Variants in PPCDC observed in about 807,000 individuals in gnomAD.
PPCDC encodes the protein phosphopantothenoylcysteine decarboxylase.
A neutral mutation model predicts 20.7 loss-of-function variants in PPCDC; 20 were observed. That is an observed-to-expected ratio of 0.97 (90% CI 0.68 to 1.41). The LOEUF is 1.41. Among genes scored for constraint, PPCDC ranks in the 40% most tolerant of loss-of-function variants. PPCDC has a pLI of 0.00. For missense variants in PPCDC, 246 were observed against 263.8 expected (o/e 0.93, Z 0.47); for synonymous variants, 88 against 100.3 (o/e 0.88, Z 0.73).
intron 2 of PPCDC, among the ~76,000 whole-genome samples, chr15:75,031,283 A>G (rs1225636410): frequency 2.0e-5 from 3 of 152,148 alleles, no homozygotes; most frequent in Admixed American, 2.0e-4. Context: ...CGTAGTTGTC[A>G]TGTAATTGAG....
At chr15:75,024,226 G>T (rs951044876) in intron 1 of PPCDC, among the ~76,000 whole-genome samples, 54 of 152,182 alleles carry the variant, frequency 3.5e-4, no homozygotes, top group Non-Finnish European at 2.8e-4. Context: ...CTGGAGCAGG[G>T]GTTTCCACAT....
At position 75,043,522 on chromosome 15, in the gene PPCDC, G is replaced by T. The variant is rs145355117; in HGVS notation, c.217G>T (p.Ala73Ser). The change falls in exon 3 of 6, where the codon GCT (alanine) becomes TCT (serine). Residue 73 changes from alanine (A) to serine (S), a missense_variant. Physicochemically the swap from Ala to Ser is moderately conservative, Grantham distance 99. Around this residue, in one of 2 missense-constraint regions of PPCDC, gnomAD observed 225 missense variants for 222.6 expected, o/e 1.01. Transcript: ENST00000342932. ...CATTCCTGTCACCCTCTACAGCGAC[G>T]CTGATGAATGGGAGGTCAGTGCTGG... ...QDIPVTLYSD[A>S]DEWEIWKSRS... 4.3e-6 allele frequency: 7 copies of T among 1,609,844 alleles called. No homozygotes were observed. Among genetic ancestry groups the T allele is most frequent in the African/African-American group, 2.7e-5 (2 of 74,828 alleles).
At chr15:75,023,668 G>A (rs2065930114) in intron 1 of PPCDC, 42 bp downstream of exon 1, 1 of 152,378 alleles carries the variant, frequency 6.6e-6, no homozygotes, top group Non-Finnish European at 1.5e-5. Context: ...TTCTCGCGGC[G>A]GCGCGGGAGG....
rs777317908 is a variant in PPCDC at position 75,048,593 on chromosome 15, T to C, written c.401T>C (p.Leu134Pro). ...GCCTGGGACCGCAGCAAGCCCCTGC[T>C]CTTCTGCCCGGCCATGAACACCGCC... Reference protein sequence around the residue: ...MRAWDRSKPLLFCPAMNTAMW... With the variant: ...MRAWDRSKPLPFCPAMNTAMW... The change falls in exon 5 of 6, where the codon CTC (leucine) becomes CCC (proline). Residue 134 changes from leucine (L) to proline (P), a missense_variant. Leu to Pro is a moderately conservative substitution (Grantham distance 98). Transcript: ENST00000342932. 6.3e-5 allele frequency: 102 copies of C among 1,614,062 alleles called. No individual in the cohort carries two copies. Among genetic ancestry groups the C allele is most frequent in the Non-Finnish European group, 8.4e-5 (99 of 1,180,020 alleles).
intron 4 of PPCDC, among the ~76,000 whole-genome samples, chr15:75,048,163 T>G (rs747636325): frequency 2.0e-4 from 31 of 152,194 alleles, no homozygotes; most frequent in South Asian, 8.3e-4. Flanking sequence ...GGAGAGCTGA[T>G]GTCAAGTAGA....
chr15:75,036,824 T>C (rs563685406), intron 2 of PPCDC, among the ~76,000 whole-genome samples: 3 of 152,052 alleles, frequency 2.0e-5, no homozygotes, highest in South Asian at 2.1e-4. Context: ...TTTTTATTGA[T>C]GGATGATTGA....
At position 75,028,463 on chromosome 15, in the gene PPCDC, C is replaced by T. The variant is rs1477811022; in HGVS notation, c.135+10C>T. The T allele has an allele frequency of 6.2e-7, 1 of 1,614,166 alleles. No homozygotes were observed. The highest frequency in any genetic ancestry group is 1.1e-5 in the South Asian group (1 of 91,070). On this transcript the variant is annotated intron_variant, in intron 2 of 5. Coordinates refer to ENST00000342932, the MANE Select transcript of PPCDC (RefSeq NM_021823.5). ...TTTGGACATTCCTGGGGTGAGTATC[C>T]TCACCAGATAAGCATGGCAGCCTCC...
chr15:75,041,729 C>T (rs901729739), intron 2 of PPCDC, among the ~76,000 whole-genome samples: 4 of 152,208 alleles, frequency 2.6e-5, no homozygotes, highest in African/African-American at 7.2e-5. Flanking sequence ...GGAGAATGGA[C>T]AAGTCAATAG....
At chr15:75,047,877 G>A (rs1261089345) in intron 4 of PPCDC, among the ~76,000 whole-genome samples, 2 of 152,222 alleles carry the variant, frequency 1.3e-5, no homozygotes, top group African/African-American at 4.8e-5. Context: ...GACTCTGTGA[G>A]CTGGATGGCT....
rs1418800122 is a variant in PPCDC at position 75,050,418 on chromosome 15, G to A, written c.*1183G>A. 6.6e-6 allele frequency: 1 copy of A among 152,406 alleles called. No individual in the cohort carries two copies. The highest frequency in any genetic ancestry group is 1.5e-5 in the Non-Finnish European group (1 of 68,164). The allele number at this position is 152,406 out of a possible 1,614,324, so 9.4% of individuals were successfully genotyped here. On this transcript the variant is annotated 3_prime_UTR_variant, in exon 6 of 6. Coordinates refer to ENST00000342932, the MANE Select transcript of PPCDC (RefSeq NM_021823.5). ...ATGCACTCTGGCCCAGAAACCCTCT[G>A]CTACCCAGCTTTTGACTTAATTGCC...
chr15:75,033,232 A>G (rs777805991), intron 2 of PPCDC, among the ~76,000 whole-genome samples: 11 of 152,364 alleles, frequency 7.2e-5, no homozygotes, highest in Middle Eastern at 3.4e-3. Context: ...CCATTCATTT[A>G]CGTATTGCCT....
Position 75,044,468 on chromosome 15 carries a change from CCAA to C in PPCDC, c.317_319del (p.Asn106del). 1.2e-6 allele frequency: 2 copies of C among 1,614,198 alleles called. No homozygotes were observed. The highest frequency in any genetic ancestry group is 2.2e-5 in the South Asian group (2 of 91,084). ...CTCCTGCTGGTGGCTCCTCTTGATG[CCAA>C]CACTCTGGGGAAGGTGGCCAGTGGC... On this transcript the variant is annotated inframe_deletion, in exon 4 of 6. Coordinates refer to ENST00000342932, the MANE Select transcript of PPCDC (RefSeq NM_021823.5).
At position 75,050,609 on chromosome 15, in the gene PPCDC, T is replaced by A. The variant is rs1321744199; in HGVS notation, c.*1374T>A. ...TGAGGGGACCAGGAAGCCTACTGGCTGGAATCAGTGCTCCAGCAGCCTCCA... is the reference window on the plus strand; with the variant it reads ...TGAGGGGACCAGGAAGCCTACTGGCAGGAATCAGTGCTCCAGCAGCCTCCA... On this transcript the variant is annotated 3_prime_UTR_variant, in exon 6 of 6. Coordinates refer to ENST00000342932, the MANE Select transcript of PPCDC (RefSeq NM_021823.5). The A allele has an allele frequency of 3.9e-5, 6 of 152,400 alleles. No individual in the cohort carries two copies. The South Asian group carries it at 6.2e-4, about 16-fold the overall frequency. 9.4% of individuals were successfully genotyped at this position (152,400 alleles called of 1,614,324 possible).
In PPCDC at chr15:75,049,428, G is replaced by T; in HGVS notation, c.*193G>T. 1.7e-6 allele frequency: 1 copy of T among 603,272 alleles called. No individual in the cohort carries two copies. Among genetic ancestry groups the T allele is most frequent in the Non-Finnish European group, 2.9e-6 (1 of 344,130 alleles). 37.4% of individuals were successfully genotyped at this position (603,272 alleles called of 1,614,324 possible). ...CCCAGGTCTCAGTTTCTTTCAACCA[G>T]GAGAGGCCGCTGCCTAGAGCCCCTC... On this transcript the variant is annotated 3_prime_UTR_variant, in exon 6 of 6. Transcript: ENST00000342932.
intron 2 of PPCDC, among the ~76,000 whole-genome samples, chr15:75,038,237 C>G (rs1471523676): frequency 1.3e-5 from 2 of 152,168 alleles, no homozygotes; most frequent in African/African-American, 4.8e-5. Flanking sequence ...CTTTCTCACC[C>G]CTTGCTCTGC....
At chr15:75,033,273 A>G (rs2066045460) in intron 2 of PPCDC, among the ~76,000 whole-genome samples, 1 of 152,222 alleles carries the variant, frequency 6.6e-6, no homozygotes, top group Non-Finnish European at 1.5e-5. Context: ...ACAGAGTTAA[A>G]TCATTACGAC....
chr15:75,028,240 C>G lies in PPCDC; in HGVS notation c.-72-7C>G, dbSNP rs1431904866. On this transcript the variant is annotated splice_region_variant and splice_polypyrimidine_tract_variant and intron_variant, in intron 1 of 5. Coordinates refer to ENST00000342932, the MANE Select transcript of PPCDC (RefSeq NM_021823.5). ...AATGAAGGGGGTGGCCCTTGTTCTCCTTTTAGATCCTAAATCCCGACAGCT... is the reference window on the plus strand; with the variant it reads ...AATGAAGGGGGTGGCCCTTGTTCTCGTTTTAGATCCTAAATCCCGACAGCT... The G allele has an allele frequency of 6.4e-7, 1 of 1,557,896 alleles. No homozygotes were observed. Among genetic ancestry groups the G allele is most frequent in the South Asian group, 1.2e-5 (1 of 84,702 alleles).
chr15:75,029,955 C>A (rs957760674), intron 2 of PPCDC, among the ~76,000 whole-genome samples: 1 of 152,226 alleles, frequency 6.6e-6, no homozygotes, highest in East Asian at 1.9e-4. Flanking sequence ...CCATCCCACG[C>A]AGCCAGCGTT....
intron 2 of PPCDC, among the ~76,000 whole-genome samples, chr15:75,036,568 G>A (rs537718904): frequency 2.3e-4 from 35 of 152,246 alleles, no homozygotes; most frequent in African/African-American, 8.2e-4. Context: ...CAATGTGACT[G>A]TAACCTGGGA....
Sources: allele counts gnomAD v4.1 joint callset (sites outside exome capture counted in the v4.1 genomes callset), GRCh38; gene constraint gnomAD v4.1.1; regional missense constraint gnomAD v4.1.1; transcripts MANE v1.5; gene names NCBI Gene and HGNC (gene_info 2026-07-23, HGNC 2026-07-21).